ATAD2B: variants seen among roughly 807,000 people sequenced by gnomAD.
ATAD2B encodes ATPase family AAA domain containing 2B.
ATAD2B carries 40 observed loss-of-function variants against 167.6 expected under a neutral mutation model. The observed-to-expected ratio is 0.24, with a 90% CI of 0.19 to 0.31. The LOEUF (loss-of-function observed/expected upper bound fraction) is 0.31. ATAD2B is among the 10% of genes least tolerant of loss of function. The pLI is 1.00. For missense variants in ATAD2B, 1,242 were observed against 1,757.2 expected, an observed-to-expected ratio of 0.71 and a Z score of 5.24; for synonymous variants, 579 against 596.5, an observed-to-expected ratio of 0.97 and a Z score of 0.43.
At chr2:23,914,704 A>G (rs1702790546) in intron 1 of ATAD2B, among the ~76,000 whole-genome samples, 1 of 151,892 alleles carries the variant, frequency 6.6e-6, no homozygotes, top group Non-Finnish European at 1.5e-5. Flanking sequence ...TAGCCGGGCG[A>G]GGTGGCGGGC....
At chr2:23,865,778 A>G (rs1429733216) in intron 10 of ATAD2B, 1 of 152,588 alleles carries the variant, frequency 6.6e-6, no homozygotes, top group African/African-American at 2.4e-5. Flanking sequence ...TTATGGGACA[A>G]TGATGAAAAA....
At chr2:23,687,995 T>C in the ATAD2B span, among the ~76,000 whole-genome samples, 2 of 152,104 alleles carry the variant, frequency 1.3e-5, no homozygotes, top group Non-Finnish European at 2.9e-5. Flanking sequence ...CCCATGGCCA[T>C]GCAGAAGGGT....
At chr2:23,798,040 A>G (rs1047253199) in intron 19 of ATAD2B, 98 bp downstream of exon 19, 1 of 768,276 alleles carries the variant, frequency 1.3e-6, no homozygotes, top group Non-Finnish European at 1.9e-6. Flanking sequence ...AAACCCTGGC[A>G]GTATTAATTT....
At position 23,905,868 on chromosome 2, in the gene ATAD2B, T is replaced by C. The variant is rs866084761; in HGVS notation, c.217-9898A>G. Among the ~76,000 whole-genome samples the C allele has an allele frequency of 2.0e-5, 3 of 152,308 alleles. No individual in the cohort carries two copies. The Middle Eastern group carries it at 0.01, about 518-fold the overall frequency. On this transcript the variant is annotated intron_variant, in intron 1 of 27. Coordinates refer to ENST00000238789, the MANE Select transcript of ATAD2B (RefSeq NM_017552.4). The stretch of plus-strand genomic sequence containing the variant: ...GCACTAAGGTAGTCCCTGCCTTTCA[T>C]GGAAGTTAAAATTTAACTCCTTAAA...
At chr2:23,910,630 G>A (rs1198703895) in intron 1 of ATAD2B, among the ~76,000 whole-genome samples, 1 of 150,220 alleles carries the variant, frequency 6.7e-6, no homozygotes, top group Non-Finnish European at 1.5e-5. Context: ...CAGTTTGGGA[G>A]GCCGAGGCAG....
At chr2:23,754,908 T>G in intron 25 of ATAD2B, 134 bp from the exon 26 acceptor site, 1 of 884,302 alleles carries the variant, frequency 1.1e-6, no homozygotes, top group Non-Finnish European at 1.6e-6. Context: ...AAGTGATTTT[T>G]TTTAAAGCAA....
rs1310511056 is a variant in ATAD2B at position 23,869,795 on chromosome 2, A to G, written c.978-34T>C. On this transcript the variant is annotated intron_variant, in intron 8 of 27. Coordinates refer to ENST00000238789, the MANE Select transcript of ATAD2B (RefSeq NM_017552.4). The stretch of plus-strand genomic sequence containing the variant: ...AGAGAGTAAAATCCTTAAAACCATT[A>G]TAATAGCAAACAACTTTTTAAAACA... The G allele has an allele frequency of 2.8e-6, 4 of 1,404,636 alleles. No individual in the cohort carries two copies. In the East Asian group the frequency reaches 1.0e-4, roughly 35 times the overall value. 87.0% of individuals were successfully genotyped at this position (1,404,636 alleles called of 1,614,324 possible). A position where few individuals can be genotyped will look rare whatever the true frequency, so the allele number is the denominator to read the frequency against.
chr2:23,860,073 G>A (rs551742847), intron 12 of ATAD2B, among the ~76,000 whole-genome samples: 2 of 152,188 alleles, frequency 1.3e-5, no homozygotes, highest in Admixed American at 6.6e-5. Context: ...CATCTAAGGA[G>A]TAGATTTATT....
At chr2:23,910,036 GT>G (rs111942449) in intron 1 of ATAD2B, among the ~76,000 whole-genome samples, 1 of 151,476 alleles carries the variant, frequency 6.6e-6, no homozygotes, top group Non-Finnish European at 1.5e-5. Context: ...CTAATTTTTT[GT>G]TTTTTTAATA....
At chr2:23,840,985 C>A (rs1192691291) in intron 13 of ATAD2B, among the ~76,000 whole-genome samples, 1 of 152,180 alleles carries the variant, frequency 6.6e-6, no homozygotes, top group Admixed American at 6.5e-5. Context: ...TGGTTCACTG[C>A]AGCCTCGACC....
At chr2:23,717,271 C>A in the ATAD2B span, among the ~76,000 whole-genome samples, 1 of 152,002 alleles carries the variant, frequency 6.6e-6, no homozygotes, top group East Asian at 1.9e-4. Context: ...CATGGGAATG[C>A]ACAGGGGCCA....
chr2:23,921,365 T>G (rs1703908888), intron 1 of ATAD2B, among the ~76,000 whole-genome samples: 1 of 152,186 alleles, frequency 6.6e-6, no homozygotes, highest in Non-Finnish European at 1.5e-5. Flanking sequence ...CTTAGATCCT[T>G]GAACAGACAG....
chr2:23,745,305 G>T (rs1456673861), downstream of ATAD2B, among the ~76,000 whole-genome samples: 3 of 150,976 alleles, frequency 2.0e-5, no homozygotes, highest in Non-Finnish European at 4.4e-5. Context: ...AAGCACGCAC[G>T]CAAGAAAGAA....
chr2:23,706,444 T>C, the ATAD2B span: 1 of 1,396,782 alleles, frequency 7.2e-7, no homozygotes, highest in Non-Finnish European at 9.3e-7. Flanking sequence ...AAGTTGGAAG[T>C]GAAATGCCTA....
the ATAD2B span, among the ~76,000 whole-genome samples, chr2:23,706,172 A>G: frequency 6.6e-6 from 1 of 152,274 alleles, no homozygotes; most frequent in African/African-American, 2.4e-5. Flanking sequence ...AGAAAGCCTC[A>G]GTGACCTGAG....
intron 1 of ATAD2B, among the ~76,000 whole-genome samples, chr2:23,922,654 G>C (rs1163763417): frequency 2.0e-5 from 3 of 147,644 alleles, no homozygotes; most frequent in African/African-American, 7.6e-5. Context: ...GGATTTTAAG[G>C]CTGCAGTGAA....
At chr2:23,683,906 AG>A in the ATAD2B span, among the ~76,000 whole-genome samples, 1 of 152,142 alleles carries the variant, frequency 6.6e-6, no homozygotes, top group Non-Finnish European at 1.5e-5. Context: ...GTCTAACATA[AG>A]GGACGCTGTT....
At chr2:23,872,290 C>A (rs976267273) in intron 8 of ATAD2B, 1 of 512,352 alleles carries the variant, frequency 2.0e-6, no homozygotes, top group African/African-American at 1.9e-5. Flanking sequence ...CACGGCTTTA[C>A]GCACAGTCTC....
At chr2:23,698,739 G>A in the ATAD2B span, among the ~76,000 whole-genome samples, 4 of 152,102 alleles carry the variant, frequency 2.6e-5, no homozygotes, top group African/African-American at 7.2e-5. Flanking sequence ...ATAGCAGAAC[G>A]CCTCACTCGG....
Sources: gnomAD v4.1 joint callset for allele counts (sites outside exome capture counted in the v4.1 genomes callset) on GRCh38, gnomAD v4.1.1 for gene constraint, MANE v1.5 for transcripts, NCBI Gene and HGNC (gene_info 2026-07-23, HGNC 2026-07-21) for gene names.